Variants in SEMA6D observed in about 807,000 individuals in gnomAD.
The protein encoded by SEMA6D is semaphorin 6D.
SEMA6D carries 35 observed loss-of-function variants against 106.6 expected under a neutral mutation model. The observed-to-expected ratio is 0.33, with a 90% confidence interval of 0.25 to 0.44. SEMA6D has a LOEUF of 0.44. SEMA6D is among the 20% of genes least tolerant of loss of function. The probability of loss-of-function intolerance (pLI) is 1.00; values close to 1 mark genes in which losing one functional copy is unlikely to be tolerated. For synonymous variants in SEMA6D, 499 were observed against 487.7 expected (o/e 1.02, Z -0.31); for missense variants, 1,185 against 1,345.9 (o/e 0.88, Z 1.87).
intron 1 of SEMA6D, among the ~76,000 whole-genome samples, chr15:47,400,229 C>T (rs1178239967): frequency 6.6e-6 from 1 of 152,126 alleles, no homozygotes; most frequent in East Asian, 1.9e-4. Context: ...GTGGCTTATG[C>T]CTGTAATCCC....
chr15:47,211,902 A>G (rs17356302), intron 1 of SEMA6D, among the ~76,000 whole-genome samples: 1,853 of 152,178 alleles, frequency 0.012, 43 homozygotes, highest in Admixed American at 0.012. Flanking sequence ...GTTATTTCCA[A>G]CCACCGTGAC....
At chr15:47,313,132 T>C (rs1170554714) in intron 1 of SEMA6D, among the ~76,000 whole-genome samples, 1 of 152,174 alleles carries the variant, frequency 6.6e-6, no homozygotes. Flanking sequence ...ACATCATAAT[T>C]GCCCAAACTT....
At chr15:47,325,374 T>C (rs1300185202) in intron 1 of SEMA6D, among the ~76,000 whole-genome samples, 1 of 152,088 alleles carries the variant, frequency 6.6e-6, no homozygotes, top group African/African-American at 2.4e-5. Context: ...GGTTTGGTCA[T>C]GTTGGCCAGG....
At chr15:47,320,999 C>T (rs2036900639) in intron 1 of SEMA6D, among the ~76,000 whole-genome samples, 1 of 152,130 alleles carries the variant, frequency 6.6e-6, no homozygotes, top group Admixed American at 6.6e-5. Flanking sequence ...TTATTGACCT[C>T]ACTATGTAGC....
chr15:47,626,746 A>G (rs2077208349), intron 4 of SEMA6D, among the ~76,000 whole-genome samples: 1 of 152,126 alleles, frequency 6.6e-6, no homozygotes, highest in Non-Finnish European at 1.5e-5. Flanking sequence ...AAATTGAATA[A>G]CAAGTCCCCT....
At chr15:47,656,281 G>T (rs986855297) in intron 4 of SEMA6D, among the ~76,000 whole-genome samples, 3 of 152,188 alleles carry the variant, frequency 2.0e-5, no homozygotes, top group Non-Finnish European at 4.4e-5. Flanking sequence ...AATGTGACCA[G>T]AGGCTCACAG....
At chr15:47,223,003 T>C (rs2141394343) in intron 1 of SEMA6D, among the ~76,000 whole-genome samples, 1 of 152,292 alleles carries the variant, frequency 6.6e-6, no homozygotes, top group East Asian at 1.9e-4. Context: ...TATTCATCAT[T>C]AGACCCACTA....
chr15:47,349,970 A>G (rs2038250172), intron 1 of SEMA6D, among the ~76,000 whole-genome samples: 1 of 152,216 alleles, frequency 6.6e-6, no homozygotes, highest in South Asian at 2.1e-4. Flanking sequence ...TTGTTGGAGA[A>G]TGACCTTTTG....
At chr15:47,613,615 C>T (rs1436146776) in intron 4 of SEMA6D, among the ~76,000 whole-genome samples, 2 of 152,082 alleles carry the variant, frequency 1.3e-5, no homozygotes, top group Non-Finnish European at 2.9e-5. Flanking sequence ...TACAGTATAT[C>T]TGGACCATTC....
At chr15:47,401,288 C>A (rs2040389752) in intron 1 of SEMA6D, among the ~76,000 whole-genome samples, 1 of 151,986 alleles carries the variant, frequency 6.6e-6, no homozygotes, top group African/African-American at 2.4e-5. Flanking sequence ...ATAAATGGTC[C>A]CAACTTTTAT....
At chr15:47,604,869 T>TTTTC (rs1177601030) in intron 4 of SEMA6D, among the ~76,000 whole-genome samples, 4 of 150,850 alleles carry the variant, frequency 2.7e-5, no homozygotes, top group Non-Finnish European at 5.9e-5. Flanking sequence ...CTGGCTAATT[T>TTTTC]TTTTTTTTTT....
At chr15:47,261,304 C>T (rs1380038514) in intron 1 of SEMA6D, among the ~76,000 whole-genome samples, 1 of 152,180 alleles carries the variant, frequency 6.6e-6, no homozygotes, top group Non-Finnish European at 1.5e-5. Context: ...TGTAACCCGA[C>T]CTGCCAGGTT....
chr15:47,506,726 C>G (rs1031690431), intron 3 of SEMA6D, among the ~76,000 whole-genome samples: 1 of 152,058 alleles, frequency 6.6e-6, no homozygotes, highest in Non-Finnish European at 1.5e-5. Context: ...AAGAGAGTGT[C>G]TATGTTGACT....
intron 1 of SEMA6D, among the ~76,000 whole-genome samples, chr15:47,377,878 G>T (rs938848887): frequency 2.6e-5 from 4 of 152,162 alleles, no homozygotes; most frequent in African/African-American, 9.7e-5. Context: ...TATTTGTCCA[G>T]ACTGGTGTTT....
At chr15:47,380,434 C>T (rs924404675) in intron 1 of SEMA6D, 1 of 152,158 alleles carries the variant, frequency 6.6e-6, no homozygotes, top group Non-Finnish European at 1.5e-5. Context: ...ATTTTTCCCC[C>T]AAAACGTTTG....
At chr15:47,721,609 C>T (rs1271517229) in intron 1 of SEMA6D, among the ~76,000 whole-genome samples, 1 of 152,182 alleles carries the variant, frequency 6.6e-6, no homozygotes, top group Non-Finnish European at 1.5e-5. Flanking sequence ...CTCCTCACAC[C>T]TGACAACACT....
intron 4 of SEMA6D, among the ~76,000 whole-genome samples, chr15:47,619,829 A>C (rs1277830676): frequency 6.6e-6 from 1 of 152,228 alleles, no homozygotes; most frequent in Non-Finnish European, 1.5e-5. Context: ...TAACATCCTT[A>C]CTTGGAAAAC....
chr15:47,757,958 T>G (rs2081850595), intron 1 of SEMA6D, among the ~76,000 whole-genome samples: 2 of 152,152 alleles, frequency 1.3e-5, no homozygotes, highest in South Asian at 4.1e-4. Flanking sequence ...TCAAAGAGAT[T>G]GAAGGAACGT....
intron 4 of SEMA6D, among the ~76,000 whole-genome samples, chr15:47,710,061 C>T (rs1014602483): frequency 6.6e-6 from 1 of 152,124 alleles, no homozygotes; most frequent in Non-Finnish European, 1.5e-5. Context: ...TAGCCAATGA[C>T]TGGGCAATTG....
Sources: gnomAD v4.1 joint callset for allele counts (sites outside exome capture counted in the v4.1 genomes callset) on GRCh38, gnomAD v4.1.1 for gene constraint, MANE v1.5 for transcripts, NCBI Gene and HGNC (gene_info 2026-07-23, HGNC 2026-07-21) for gene names.